Variants in INTS4 observed in about 807,000 individuals in gnomAD.
INTS4 encodes the protein integrator complex subunit 4, also known as MSTP093.
INTS4 carries 70 observed loss-of-function variants against 119.5 expected under a neutral mutation model. That is an observed-to-expected ratio of 0.59 (90% confidence interval 0.48 to 0.71). INTS4 has a LOEUF of 0.71. Ranked by LOEUF, INTS4 falls within the 30% of genes least tolerant of loss-of-function variation. The pLI is 0.00. For missense variants in INTS4, 867 were observed against 1,173.2 expected, an observed-to-expected ratio of 0.74 and a Z score of 3.81; for synonymous variants, 316 against 419.6, an observed-to-expected ratio of 0.75 and a Z score of 3.02.
In INTS4 at chr11:77,900,383, G is replaced by A. The variant is rs867504199; in HGVS notation, c.2228+1038C>T. ...CAAAGTGCTGGGATTACAGGTGTGA[G>A]CCACCACACCCGGCCACATATGAAT... On this transcript the variant is annotated intron_variant, in intron 18 of 22. Coordinates refer to ENST00000534064, the MANE Select transcript of INTS4 (RefSeq NM_033547.4). Among the ~76,000 whole-genome samples, 7 of 152,262 alleles carry A rather than the reference G, an allele frequency of 4.6e-5. No individual in the cohort carries two copies. The South Asian group carries it at 1.2e-3, about 27-fold the overall frequency.
downstream of INTS4, among the ~76,000 whole-genome samples, chr11:77,878,153 G>A (rs947267952): frequency 1.3e-5 from 2 of 152,052 alleles, no homozygotes; most frequent in Non-Finnish European, 2.9e-5. Context: ...ACGAGGTCAG[G>A]AGATCAAGAC....
At chr11:77,983,532 C>T (rs368406282) in intron 2 of INTS4, among the ~76,000 whole-genome samples, 1 of 152,192 alleles carries the variant, frequency 6.6e-6, no homozygotes, top group Admixed American at 6.5e-5. Flanking sequence ...CTTGAATAGA[C>T]ATTTCTCCAA....
chr11:77,960,882 G>A (rs774256523), intron 5 of INTS4, 71 bp downstream of exon 5: 1 of 1,333,006 alleles, frequency 7.5e-7, no homozygotes, highest in East Asian at 2.3e-5. Context: ...TGTATCCAAG[G>A]CAGCACTAGC....
chr11:77,879,111 T>G lies in INTS4; in HGVS notation c.2730A>C (p.Glu910Asp). Residue 910 changes from glutamate to aspartate, a missense_variant, in exon 23 of 23, where the codon GAA (glutamate) becomes GAC (aspartate). By Grantham distance (45) the Glu-to-Asp change is conservative. Around this residue, in one of 5 missense-constraint regions of INTS4, gnomAD observed 122 missense variants for 133.2 expected, o/e 0.92. Coordinates refer to ENST00000534064, the MANE Select transcript of INTS4 (RefSeq NM_033547.4). ...AGTTGTAGGCCAGCAGCAGCCTCAC[T>G]TCCACCTGGCATGCCTCTGAAAAAA... ...HTAWTEACQVEVRLLLAYNSS... is the reference protein window; with the variant it reads ...HTAWTEACQVDVRLLLAYNSS... 6.2e-7 allele frequency: 1 copy of G among 1,614,132 alleles called. No homozygotes were observed. Among genetic ancestry groups the G allele is most frequent in the Middle Eastern group, 1.6e-4 (1 of 6,062 alleles).
At chr11:77,879,249 T>C in intron 22 of INTS4, 122 bp from the exon 23 acceptor site, 1 of 979,816 alleles carries the variant, frequency 1.0e-6, no homozygotes, top group Non-Finnish European at 1.5e-6. Context: ...TCCGTCTACA[T>C]TCCCTCCCCT....
chr11:77,987,908 C>A (rs911347632), intron 2 of INTS4, among the ~76,000 whole-genome samples: 4 of 152,130 alleles, frequency 2.6e-5, no homozygotes, highest in Non-Finnish European at 5.9e-5. Flanking sequence ...GTAATCCCAG[C>A]ACTTTGGGAG....
At chr11:77,969,160 C>T (rs1591123853) in intron 4 of INTS4, among the ~76,000 whole-genome samples, 6 of 152,252 alleles carry the variant, frequency 3.9e-5, no homozygotes, top group Admixed American at 3.9e-4. Flanking sequence ...GTCTCAAACT[C>T]CTGGCCTCAA....
intron 19 of INTS4, 142 bp downstream of exon 19, chr11:77,894,148 G>C (rs1952405846): frequency 1.9e-6 from 1 of 513,434 alleles, no homozygotes. Flanking sequence ...CCTAATTTAA[G>C]GTTAACGACA....
At chr11:77,919,132 C>T (rs1012737924) in intron 14 of INTS4, among the ~76,000 whole-genome samples, 154 bp from the exon 15 acceptor site, 4 of 152,176 alleles carry the variant, frequency 2.6e-5, no homozygotes, top group Non-Finnish European at 5.9e-5. Flanking sequence ...TCTCCCCTTC[C>T]TCAGCAACAT....
intron 4 of INTS4, among the ~76,000 whole-genome samples, chr11:77,968,026 A>C (rs894673078): frequency 6.6e-6 from 1 of 152,214 alleles, no homozygotes; most frequent in Non-Finnish European, 1.5e-5. Context: ...CTAGGCTATA[A>C]ACCTGTACAA....
At chr11:77,916,503 C>T (rs1241453849) in intron 15 of INTS4, among the ~76,000 whole-genome samples, 1 of 152,116 alleles carries the variant, frequency 6.6e-6, no homozygotes, top group East Asian at 1.9e-4. Flanking sequence ...ATCATGGGAC[C>T]ACCACAACGT....
chr11:77,991,441 T>C, intron 1 of INTS4, 142 bp from the exon 2 acceptor site: 1 of 681,714 alleles, frequency 1.5e-6, no homozygotes, highest in Non-Finnish European at 2.4e-6. Context: ...CCAGAAAGAG[T>C]ACCGGGTTGG....
chr11:77,922,876 G>A, intron 12 of INTS4: 4 of 302,992 alleles, frequency 1.3e-5, no homozygotes, highest in South Asian at 1.2e-4. Context: ...GGGCAAGTAA[G>A]CCAGTTCTAG....
At chr11:77,984,356 T>C (rs749072140) in intron 2 of INTS4, among the ~76,000 whole-genome samples, 6 of 152,000 alleles carry the variant, frequency 3.9e-5, no homozygotes, top group African/African-American at 7.2e-5. Context: ...TAGGCAGGCA[T>C]GGTGGTGCAC....
In INTS4 at chr11:77,935,929, C is replaced by T. The variant is rs554254952; in HGVS notation, c.1165+2722G>A. 2.1e-4 allele frequency among the ~76,000 whole-genome samples: 9 copies of T among 41,962 alleles called. No homozygotes were observed. The East Asian group carries it at 6.1e-3, about 28-fold the overall frequency. 27.5% of individuals were successfully genotyped at this position (41,962 alleles called of 152,430 possible). A position where few individuals can be genotyped will look rare whatever the true frequency, so the allele number is the denominator to read the frequency against. On this transcript the variant is annotated intron_variant, in intron 10 of 22. Coordinates refer to ENST00000534064, the MANE Select transcript of INTS4 (RefSeq NM_033547.4). ...AAAAAAGAAAAGAAGAGGTTTTGCG[C>T]TTCAAGTAGTGCAAAAGAAGAGTTT...
At chr11:77,952,324 T>C (rs952892250) in intron 8 of INTS4, among the ~76,000 whole-genome samples, 4 of 152,220 alleles carry the variant, frequency 2.6e-5, no homozygotes, top group African/African-American at 9.6e-5. Flanking sequence ...TCATCTGTCA[T>C]TTACTATCTG....
At chr11:77,945,466 T>C (rs547413329) in intron 8 of INTS4, among the ~76,000 whole-genome samples, 10 of 152,318 alleles carry the variant, frequency 6.6e-5, no homozygotes, top group African/African-American at 2.4e-4. Context: ...GCCATCATTC[T>C]ACCATGATCA....
chr11:77,924,657 C>T, intron 12 of INTS4, 93 bp downstream of exon 12: 1 of 1,231,344 alleles, frequency 8.1e-7, no homozygotes, highest in Non-Finnish European at 1.2e-6. Flanking sequence ...CAGGGCCGTA[C>T]TATCCTCAAT....
chr11:77,935,915 G>GAAAGAGAGAAAAAAGAA (rs1342245136), intron 10 of INTS4, among the ~76,000 whole-genome samples: 2 of 134,774 alleles, frequency 1.5e-5, no homozygotes, highest in East Asian at 4.3e-4. Flanking sequence ...AAAAAGAAAA[G>GAAAGAGAGAAAAAAGAA]AAGAGGTTTT....
Sources: gnomAD v4.1 joint callset for allele counts (sites outside exome capture counted in the v4.1 genomes callset) on GRCh38, gnomAD v4.1.1 for gene constraint, gnomAD v4.1.1 regional missense constraint, MANE v1.5 for transcripts, NCBI Gene and HGNC (gene_info 2026-07-23, HGNC 2026-07-21) for gene names.